KCNIP4: variants seen among roughly 807,000 people sequenced by gnomAD.
The protein encoded by KCNIP4 is Kv channel-interacting protein 4.
In KCNIP4, 12 loss-of-function variants were observed where a neutral mutation model predicts 34.0. The observed-to-expected ratio is 0.35, with a 90% CI of 0.23 to 0.57. The LOEUF (loss-of-function observed/expected upper bound fraction) is 0.57, where lower values mean the gene tolerates loss of function less well. Ranked by LOEUF, KCNIP4 falls within the 20% of genes least tolerant of loss-of-function variation. The pLI, the probability that KCNIP4 is intolerant of heterozygous loss-of-function variation, is 0.83. For synonymous variants in KCNIP4, 124 were observed against 102.2 expected (o/e 1.21, Z -1.29); for missense variants, 238 against 311.7 (o/e 0.76, Z 1.78).
intron 1 of KCNIP4, among the ~76,000 whole-genome samples, chr4:21,556,066 T>C (rs896362172): frequency 6.6e-6 from 1 of 152,188 alleles, no homozygotes; most frequent in African/African-American, 2.4e-5. Flanking sequence ...GAATGAATTT[T>C]GCTTGATAAA....
intron 1 of KCNIP4, among the ~76,000 whole-genome samples, chr4:21,258,681 G>A (rs1761242689): frequency 6.6e-6 from 1 of 152,092 alleles, no homozygotes; most frequent in Non-Finnish European, 1.5e-5. Context: ...ATTACTTGAA[G>A]AAGGCAAAAA....
At chr4:21,672,981 T>C (rs1393655913) in intron 1 of KCNIP4, among the ~76,000 whole-genome samples, 1 of 152,144 alleles carries the variant, frequency 6.6e-6, no homozygotes, top group Non-Finnish European at 1.5e-5. Flanking sequence ...TCCTGGCTTA[T>C]CCAGAGTTAA....
At chr4:21,526,563 T>A (rs1435581176) in intron 1 of KCNIP4, among the ~76,000 whole-genome samples, 1 of 152,082 alleles carries the variant, frequency 6.6e-6, no homozygotes, top group Admixed American at 6.6e-5. Flanking sequence ...TATCAATCTA[T>A]TCATATATAT....
chr4:21,296,107 T>C (rs575019676), intron 1 of KCNIP4, among the ~76,000 whole-genome samples: 8 of 152,280 alleles, frequency 5.3e-5, no homozygotes, highest in South Asian at 4.1e-4. Context: ...GAGTTCTCAA[T>C]AGATAATCTT....
intron 1 of KCNIP4, among the ~76,000 whole-genome samples, chr4:21,354,321 GC>G (rs2109385920): frequency 6.6e-6 from 1 of 152,200 alleles, no homozygotes; most frequent in African/African-American, 2.4e-5. Flanking sequence ...ATGTAAATGG[GC>G]TAAATGCCCC....
intron 1 of KCNIP4, among the ~76,000 whole-genome samples, chr4:21,341,916 A>T (rs1353661137): frequency 6.6e-6 from 1 of 152,128 alleles, no homozygotes; most frequent in East Asian, 1.9e-4. Context: ...TTCAAACTGA[A>T]CATTGTGCAG....
chr4:21,277,912 C>G (rs1762536125), intron 1 of KCNIP4, among the ~76,000 whole-genome samples: 1 of 151,972 alleles, frequency 6.6e-6, no homozygotes, highest in Non-Finnish European at 1.5e-5. Flanking sequence ...AGCTTCCAGA[C>G]AGAAAAAATA....
At chr4:21,710,074 C>T (rs562019332) in intron 1 of KCNIP4, among the ~76,000 whole-genome samples, 1 of 152,334 alleles carries the variant, frequency 6.6e-6, no homozygotes, top group South Asian at 2.1e-4. Context: ...TAACTGCTGT[C>T]ATTCTTCCCA....
chr4:21,778,241 T>C (rs1719322122), intron 1 of KCNIP4, among the ~76,000 whole-genome samples: 8 of 142,018 alleles, frequency 5.6e-5, no homozygotes, highest in Admixed American at 5.6e-4. Context: ...TTTTTCTTTT[T>C]TTTTTTTTTT....
chr4:21,763,592 T>C (rs1718203866), intron 1 of KCNIP4, among the ~76,000 whole-genome samples: 1 of 152,128 alleles, frequency 6.6e-6, no homozygotes, highest in South Asian at 2.1e-4. Context: ...GGTAGGTATA[T>C]AATAGCTTGG....
chr4:20,850,410 T>C, intron 3 of KCNIP4, 133 bp downstream of exon 3: 1 of 937,186 alleles, frequency 1.1e-6, no homozygotes. Flanking sequence ...TATATTCCTA[T>C]CTGGGAAGGA....
In KCNIP4 at chr4:21,370,476, TAAGAA is replaced by T. The variant is rs1720230442; in HGVS notation, c.62-487772_62-487768del. On this transcript the variant is annotated intron_variant, in intron 1 of 8. Coordinates refer to ENST00000382152, the MANE Select transcript of KCNIP4 (RefSeq NM_025221.6). ...CAAAGTAAAATTAAAAACACATGATTAAGAAGTTCATTATAAAGTAATATATACAA... is the reference window on the plus strand; with the variant it reads ...CAAAGTAAAATTAAAAACACATGATTGTTCATTATAAAGTAATATATACAA... 1.4e-5 allele frequency among the ~76,000 whole-genome samples: 2 copies of T among 145,204 alleles called. 1 individual carries two copies. Among genetic ancestry groups the T allele is most frequent in the African/African-American group, 5.6e-5 (2 of 35,454 alleles).
intron 1 of KCNIP4, among the ~76,000 whole-genome samples, chr4:20,973,598 C>A (rs534778426): frequency 6.6e-6 from 1 of 152,298 alleles, no homozygotes; most frequent in African/African-American, 2.4e-5. Flanking sequence ...GCCCAAGAGG[C>A]TTAGTGTTTG....
intron 1 of KCNIP4, among the ~76,000 whole-genome samples, chr4:21,191,600 A>C (rs888304444): frequency 8.5e-5 from 13 of 152,212 alleles, no homozygotes; most frequent in Admixed American, 7.2e-4. Context: ...TGAGGTCCAC[A>C]TTAACCATGG....
At chr4:21,453,589 G>A (rs1728688226) in intron 1 of KCNIP4, among the ~76,000 whole-genome samples, 1 of 151,990 alleles carries the variant, frequency 6.6e-6, no homozygotes, top group African/African-American at 2.4e-5. Flanking sequence ...GCCTCAGGGA[G>A]CTCACTCAAG....
intron 1 of KCNIP4, among the ~76,000 whole-genome samples, chr4:20,948,787 A>G (rs1035211786): frequency 1.3e-5 from 2 of 152,198 alleles, no homozygotes; most frequent in Admixed American, 6.5e-5. Flanking sequence ...AAAAAATGAT[A>G]ATGGTCCTAT....
chr4:21,002,561 T>C (rs1738230678), intron 1 of KCNIP4, among the ~76,000 whole-genome samples: 1 of 152,172 alleles, frequency 6.6e-6, no homozygotes, highest in Non-Finnish European at 1.5e-5. Context: ...TCCTGGCCAA[T>C]TCAGAACGGG....
At chr4:21,037,047 CAATAAG>C (rs1423171337) in intron 1 of KCNIP4, among the ~76,000 whole-genome samples, 1 of 151,560 alleles carries the variant, frequency 6.6e-6, no homozygotes, top group Non-Finnish European at 1.5e-5. Flanking sequence ...AAAAAAAATA[CAATAAG>C]AATATGAAGA....
chr4:21,243,912 A>G (rs1560209382), intron 1 of KCNIP4, among the ~76,000 whole-genome samples: 1 of 152,138 alleles, frequency 6.6e-6, no homozygotes, highest in Admixed American at 6.6e-5. Context: ...GCCAAGCCCC[A>G]CAGGTGAGGA....
Sources: allele counts gnomAD v4.1 joint callset (sites outside exome capture counted in the v4.1 genomes callset), GRCh38; gene constraint gnomAD v4.1.1; transcripts MANE v1.5; gene names NCBI Gene and HGNC (gene_info 2026-07-23, HGNC 2026-07-21).